The following DAB1 variants were observed in gnomAD, a reference collection of about 807,000 sequenced individuals.
DAB1 encodes disabled homolog 1.
In DAB1, 15 loss-of-function variants were observed where a neutral mutation model predicts 64.6. The ratio of observed to expected loss-of-function variants is 0.23; its 90% confidence interval spans 0.16 to 0.36. DAB1 has a LOEUF of 0.36. Among genes scored for constraint, DAB1 ranks in the 10% least tolerant of loss-of-function variants. The pLI, the probability that DAB1 is intolerant of heterozygous loss-of-function variation, is 1.00. For synonymous variants in DAB1, 235 were observed against 251.9 expected (o/e 0.93, Z 0.64); for missense variants, 596 against 706.7 (o/e 0.84, Z 1.78).
At chr1:57,755,802 C>A (rs572114383) in intron 6 of DAB1, among the ~76,000 whole-genome samples, 1 of 152,274 alleles carries the variant, frequency 6.6e-6, no homozygotes, top group African/African-American at 2.4e-5. Context: ...CATGCTGCCA[C>A]GTACAGAGCT....
chr1:57,603,099 G>A (rs1319693714), intron 7 of DAB1, among the ~76,000 whole-genome samples: 1 of 152,078 alleles, frequency 6.6e-6, no homozygotes, highest in Non-Finnish European at 1.5e-5. Flanking sequence ...CAGCCTACGG[G>A]GCAGCTAGGA....
intron 5 of DAB1, among the ~76,000 whole-genome samples, chr1:58,001,622 TA>T (rs1410077384): frequency 1.1e-4 from 16 of 152,236 alleles, no homozygotes; most frequent in Admixed American, 5.9e-4. Flanking sequence ...AAGTAAGCTT[TA>T]GGAAAGGTCT....
chr1:57,631,055 G>A (rs998078471), intron 7 of DAB1, among the ~76,000 whole-genome samples: 3 of 152,166 alleles, frequency 2.0e-5, no homozygotes, highest in Non-Finnish European at 2.9e-5. Context: ...TTGTGCATCA[G>A]AGCCACCAAC....
chr1:57,509,120 A>G (rs1015624643), intron 7 of DAB1, among the ~76,000 whole-genome samples: 1 of 152,180 alleles, frequency 6.6e-6, no homozygotes, highest in African/African-American at 2.4e-5. Flanking sequence ...TATTATACAT[A>G]CACACACTGA....
At chr1:57,749,737 A>G (rs1397329578) in intron 6 of DAB1, among the ~76,000 whole-genome samples, 2 of 152,182 alleles carry the variant, frequency 1.3e-5, no homozygotes, top group Non-Finnish European at 2.9e-5. Context: ...AGTAGAACAG[A>G]GAAAGGGAGA....
chr1:57,232,283 A>ATTTTTT (rs1250528922), intron 2 of DAB1, among the ~76,000 whole-genome samples: 5 of 24,998 alleles, frequency 2.0e-4, no homozygotes, highest in Admixed American at 9.1e-4. Context: ...GGCAGTGGCC[A>ATTTTTT]CTTTTTTTTT....
At chr1:57,242,736 A>T (rs374159075) in intron 2 of DAB1, among the ~76,000 whole-genome samples, 2 of 152,324 alleles carry the variant, frequency 1.3e-5, no homozygotes, top group East Asian at 3.9e-4. Context: ...ATTTACTAAC[A>T]AATGCTAAAT....
chr1:57,213,436 G>C (rs973064596), intron 2 of DAB1, among the ~76,000 whole-genome samples: 1 of 137,870 alleles, frequency 7.3e-6, no homozygotes, highest in Non-Finnish European at 1.6e-5. Context: ...TGTAGATCTA[G>C]AGATAGGGTC....
At chr1:58,544,023 A>C (rs1322929321) in intron 1 of DAB1, among the ~76,000 whole-genome samples, 1 of 152,224 alleles carries the variant, frequency 6.6e-6, no homozygotes, top group Non-Finnish European at 1.5e-5. Flanking sequence ...AGGCAAGTGA[A>C]TATCAGCAAA....
At chr1:58,261,484 T>C (rs1198988791) in intron 4 of DAB1, among the ~76,000 whole-genome samples, 3 of 152,114 alleles carry the variant, frequency 2.0e-5, no homozygotes, top group African/African-American at 4.8e-5. Context: ...TCTCTGCAGA[T>C]AGACCTCTCT....
At chr1:57,636,929 AT>A (rs1216801385) in intron 7 of DAB1, among the ~76,000 whole-genome samples, 2 of 152,200 alleles carry the variant, frequency 1.3e-5, no homozygotes, top group African/African-American at 4.8e-5. Flanking sequence ...AAATATGGAT[AT>A]CATTAACATA....
intron 4 of DAB1, among the ~76,000 whole-genome samples, chr1:58,212,744 G>A (rs1244082518): frequency 6.6e-6 from 1 of 152,072 alleles, no homozygotes; most frequent in Non-Finnish European, 1.5e-5. Context: ...CCCTAATTAG[G>A]AGAAAAACAT....
intron 4 of DAB1, among the ~76,000 whole-genome samples, chr1:58,233,039 C>T (rs1372954205): frequency 6.6e-6 from 1 of 152,178 alleles, no homozygotes; most frequent in Non-Finnish European, 1.5e-5. Flanking sequence ...ATAGTAGAGA[C>T]TCAATAAATA....
At chr1:58,128,160 G>C (rs1570390743) in intron 5 of DAB1, among the ~76,000 whole-genome samples, 1 of 152,148 alleles carries the variant, frequency 6.6e-6, no homozygotes, top group African/African-American at 2.4e-5. Flanking sequence ...AGTTCTCCTT[G>C]AAGAGGTCCT....
chr1:58,048,093 G>T, intron 5 of DAB1: 1 of 786,228 alleles, frequency 1.3e-6, no homozygotes, highest in Non-Finnish European at 2.2e-6. Flanking sequence ...ACTGTGTTTG[G>T]CTGAGTTCAC....
chr1:58,283,625 A>G (rs1358437758), intron 4 of DAB1, among the ~76,000 whole-genome samples: 1 of 152,218 alleles, frequency 6.6e-6, no homozygotes, highest in East Asian at 1.9e-4. Flanking sequence ...GTCTCTGAGC[A>G]TCAGTTTCCT....
intron 3 of DAB1, among the ~76,000 whole-genome samples, chr1:58,376,042 T>C (rs1644321629): frequency 6.6e-6 from 1 of 151,918 alleles, no homozygotes; most frequent in African/African-American, 2.4e-5. Context: ...CCTTTATCAT[T>C]TTTTATTGTG....
chr1:57,685,381 C>A (rs72910580), intron 6 of DAB1, among the ~76,000 whole-genome samples: 1,961 of 152,138 alleles, frequency 0.013, 37 homozygotes, highest in African/African-American at 0.045. Flanking sequence ...AATATACATG[C>A]ACTCAACGAT....
intron 2 of DAB1, among the ~76,000 whole-genome samples, chr1:58,526,326 A>G (rs1646349205): frequency 6.6e-6 from 1 of 152,148 alleles, no homozygotes; most frequent in Non-Finnish European, 1.5e-5. Flanking sequence ...AATTAAATCC[A>G]TAAAACTTAT....
Sources: allele counts gnomAD v4.1 joint callset (sites outside exome capture counted in the v4.1 genomes callset), GRCh38; gene constraint gnomAD v4.1.1; transcripts MANE v1.5; gene names NCBI Gene and HGNC (gene_info 2026-07-23, HGNC 2026-07-21).